KCNJ6: variants seen among roughly 807,000 people sequenced by gnomAD.
The protein encoded by KCNJ6 is potassium inwardly rectifying channel subfamily J member 6, also known as G protein-activated inward rectifier potassium channel 2.
In KCNJ6, 9 loss-of-function variants were observed where a neutral mutation model predicts 34.2. That is an observed-to-expected ratio of 0.26 (90% CI 0.16 to 0.46). The LOEUF (loss-of-function observed/expected upper bound fraction) is 0.46. Among genes scored for constraint, KCNJ6 ranks in the 20% least tolerant of loss-of-function variants. The pLI is 1.00. For missense variants in KCNJ6, 236 were observed against 531.3 expected, an observed-to-expected ratio of 0.44 and a Z score of 5.46; for synonymous variants, 196 against 207.1, an observed-to-expected ratio of 0.95 and a Z score of 0.46.
chr21:37,891,494 T>G (rs1238829859), intron 1 of KCNJ6, among the ~76,000 whole-genome samples: 1 of 152,188 alleles, frequency 6.6e-6, no homozygotes, highest in African/African-American at 2.4e-5. Context: ...TAGAAAACCA[T>G]GGATGATTAA....
At chr21:37,803,255 A>G (rs1476449822) in intron 2 of KCNJ6, among the ~76,000 whole-genome samples, 1 of 152,184 alleles carries the variant, frequency 6.6e-6, no homozygotes, top group East Asian at 1.9e-4. Flanking sequence ...AGAACTGTGG[A>G]GGAGGCCTTG....
chr21:37,619,463 G>A lies in KCNJ6; in HGVS notation c.*5696C>T, dbSNP rs552580913. Reference sequence around the variant, plus strand: ...CTGAGCTCTTTTCAAAGGACCTTTTGGTTTTCCATAAGAAGCATTTAGTTC... The same window carrying A: ...CTGAGCTCTTTTCAAAGGACCTTTTAGTTTTCCATAAGAAGCATTTAGTTC... On this transcript the variant is annotated 3_prime_UTR_variant, in exon 4 of 4. Transcript: ENST00000609713. The A allele has an allele frequency of 6.6e-6, 1 of 152,234 alleles. No homozygotes were observed. Among genetic ancestry groups the A allele is most frequent in the African/African-American group, 2.4e-5 (1 of 41,530 alleles). 9.4% of individuals were successfully genotyped at this position (152,234 alleles called of 1,614,324 possible).
intron 2 of KCNJ6, among the ~76,000 whole-genome samples, chr21:37,780,043 A>T (rs59811007): frequency 0.018 from 2,691 of 152,216 alleles, 80 homozygotes; most frequent in African/African-American, 0.062. Context: ...CATTCTGCCT[A>T]TTTGAGGTTG....
At chr21:37,802,232 C>T (rs768449257) in intron 2 of KCNJ6, among the ~76,000 whole-genome samples, 1 of 152,184 alleles carries the variant, frequency 6.6e-6, no homozygotes, top group Non-Finnish European at 1.5e-5. Context: ...CAGGGGGGAA[C>T]ACCCCAAGCT....
At chr21:37,889,622 A>T (rs150430482) in intron 1 of KCNJ6, among the ~76,000 whole-genome samples, 2 of 152,298 alleles carry the variant, frequency 1.3e-5, no homozygotes, top group African/African-American at 4.8e-5. Flanking sequence ...GAAGCCCCAA[A>T]TCAAGGTGTC....
chr21:37,667,813 A>G (rs1220333933), intron 3 of KCNJ6, among the ~76,000 whole-genome samples: 2 of 151,944 alleles, frequency 1.3e-5, no homozygotes, highest in Non-Finnish European at 2.9e-5. Flanking sequence ...CTCCCGGGGG[A>G]CAAAACTTGC....
chr21:37,671,547 C>T (rs1036938800), intron 3 of KCNJ6, among the ~76,000 whole-genome samples: 2 of 152,222 alleles, frequency 1.3e-5, no homozygotes, highest in Non-Finnish European at 2.9e-5. Flanking sequence ...TTAATTGAAT[C>T]CCAGGATGGG....
At chr21:37,711,882 G>A (rs1357659525) in intron 3 of KCNJ6, among the ~76,000 whole-genome samples, 6 of 151,954 alleles carry the variant, frequency 3.9e-5, no homozygotes, top group Non-Finnish European at 8.8e-5. Context: ...TGGGGTGAGC[G>A]TTTGGATTGA....
intron 2 of KCNJ6, among the ~76,000 whole-genome samples, chr21:37,791,273 A>G (rs2055215545): frequency 6.6e-6 from 1 of 152,242 alleles, no homozygotes; most frequent in African/African-American, 2.4e-5. Flanking sequence ...GTATTGTAAA[A>G]AGAAGAAAAA....
At chr21:37,730,660 C>T (rs960593515) in intron 2 of KCNJ6, among the ~76,000 whole-genome samples, 4 of 152,182 alleles carry the variant, frequency 2.6e-5, no homozygotes, top group African/African-American at 7.2e-5. Flanking sequence ...TGGGCAGACC[C>T]ATCTGGAAGC....
At chr21:37,651,724 G>C (rs2054434539) in intron 3 of KCNJ6, among the ~76,000 whole-genome samples, 1 of 152,198 alleles carries the variant, frequency 6.6e-6, no homozygotes, top group Non-Finnish European at 1.5e-5. Flanking sequence ...GGAGAGGACT[G>C]GATTGAGAAG....
chr21:37,798,986 C>T (rs1039369089), intron 2 of KCNJ6, among the ~76,000 whole-genome samples: 1 of 151,844 alleles, frequency 6.6e-6, no homozygotes, highest in Admixed American at 6.6e-5. Flanking sequence ...ACTTGTGTCA[C>T]GGGGGTTTGT....
At chr21:37,847,783 G>C (rs995241971) in intron 1 of KCNJ6, among the ~76,000 whole-genome samples, 2 of 149,590 alleles carry the variant, frequency 1.3e-5, no homozygotes, top group Middle Eastern at 3.5e-3. Context: ...GAGAAGGGAG[G>C]GGGAGAAGGA....
At chr21:37,848,418 A>T (rs556652234) in intron 1 of KCNJ6, among the ~76,000 whole-genome samples, 1 of 152,162 alleles carries the variant, frequency 6.6e-6, no homozygotes, top group Non-Finnish European at 1.5e-5. Context: ...TGCTCGAAGG[A>T]GGTGACATTT....
chr21:37,707,115 G>GA (rs2054724234), intron 3 of KCNJ6, among the ~76,000 whole-genome samples: 1 of 99,210 alleles, frequency 1.0e-5, no homozygotes, highest in African/African-American at 3.7e-5. Context: ...GGCAGTACCC[G>GA]GGCAGAGGCC....
chr21:37,649,132 C>CAAAAAAAAAA (rs1169306298), intron 3 of KCNJ6, among the ~76,000 whole-genome samples: 47 of 39,374 alleles, frequency 1.2e-3, no homozygotes, highest in East Asian at 1.9e-3. Context: ...GACTCCATCT[C>CAAAAAAAAAA]AAAAAAAAAA....
intron 2 of KCNJ6, among the ~76,000 whole-genome samples, chr21:37,789,138 A>G (rs1320202075): frequency 6.6e-6 from 1 of 152,168 alleles, no homozygotes; most frequent in South Asian, 2.1e-4. Flanking sequence ...AAAAAGGGAC[A>G]TGTATTTTTT....
At chr21:37,896,530 C>A (rs1218520812) in intron 1 of KCNJ6, among the ~76,000 whole-genome samples, 1 of 152,162 alleles carries the variant, frequency 6.6e-6, no homozygotes, top group Non-Finnish European at 1.5e-5. Context: ...ACATTACGGG[C>A]ACGGAACATG....
At chr21:37,704,510 C>G (rs1569448609) in intron 3 of KCNJ6, among the ~76,000 whole-genome samples, 1 of 152,210 alleles carries the variant, frequency 6.6e-6, no homozygotes. Flanking sequence ...TCCCATTACT[C>G]ATCAAGCCCT....
Sources: gnomAD v4.1 joint callset for allele counts (sites outside exome capture counted in the v4.1 genomes callset) on GRCh38, gnomAD v4.1.1 for gene constraint, MANE v1.5 for transcripts, NCBI Gene and HGNC (gene_info 2026-07-23, HGNC 2026-07-21) for gene names.